Variants in DNAH9 observed in about 807,000 individuals in gnomAD.
The protein encoded by DNAH9 is dynein axonemal heavy chain 9.
DNAH9 carries 345 observed loss-of-function variants against 471.6 expected under a neutral mutation model. That is an observed-to-expected ratio of 0.73 (90% confidence interval 0.67 to 0.80). The LOEUF (loss-of-function observed/expected upper bound fraction) is 0.80, where lower values mean the gene tolerates loss of function less well. DNAH9 is among the 30% of genes least tolerant of loss of function. The pLI, the probability that DNAH9 is intolerant of heterozygous loss-of-function variation, is 0.00. For synonymous variants in DNAH9, 2,093 were observed against 2,123.6 expected (o/e 0.99, Z 0.40); for missense variants, 5,407 against 5,609.2 (o/e 0.96, Z 1.15).
intron 6 of DNAH9, among the ~76,000 whole-genome samples, chr17:11,622,968 C>CTTTTTTTTTTTT (rs10551080): frequency 9.5e-6 from 1 of 105,382 alleles, no homozygotes; most frequent in African/African-American, 3.8e-5. Flanking sequence ...TTTTCTTTTT[C>CTTTTTTTTTTTT]TTTTTTTTTT....
At chr17:11,645,691 C>G (rs1371443249) in intron 11 of DNAH9, among the ~76,000 whole-genome samples, 1 of 151,930 alleles carries the variant, frequency 6.6e-6, no homozygotes, top group Non-Finnish European at 1.5e-5. Flanking sequence ...TCACCTCTAC[C>G]CTTTGGCTAC....
intron 59 of DNAH9, among the ~76,000 whole-genome samples, chr17:11,895,734 A>C (rs370070365): frequency 5.9e-5 from 9 of 152,174 alleles, no homozygotes; most frequent in African/African-American, 2.2e-4. Flanking sequence ...TCCATTCTCC[A>C]TTTGTATAAT....
At chr17:11,918,863 G>A (rs1157761211) in intron 61 of DNAH9, among the ~76,000 whole-genome samples, 1 of 152,156 alleles carries the variant, frequency 6.6e-6, no homozygotes, top group African/African-American at 2.4e-5. Flanking sequence ...GCACGTGCCT[G>A]TAATCCCAGC....
intron 39 of DNAH9, 60 bp downstream of exon 39, chr17:11,781,234 G>T: frequency 6.5e-7 from 1 of 1,545,948 alleles, no homozygotes; most frequent in Non-Finnish European, 8.8e-7. Context: ...CAGGGCTGAA[G>T]GCCAGTCTCT....
intron 6 of DNAH9, among the ~76,000 whole-genome samples, chr17:11,624,828 T>A (rs2072941456): frequency 6.6e-6 from 1 of 152,200 alleles, no homozygotes; most frequent in Admixed American, 6.5e-5. Context: ...CACTCTGTTC[T>A]ACTTTTGTAC....
chr17:11,843,870 T>TATATATATATATATAC (rs1971119305), intron 49 of DNAH9, among the ~76,000 whole-genome samples: 2 of 120,170 alleles, frequency 1.7e-5, no homozygotes, highest in South Asian at 6.2e-4. Flanking sequence ...TGTGTATATA[T>TATATATATATATATAC]ATATATATAT....
In DNAH9 at chr17:11,724,046, T is replaced by C. The variant is rs143181835; in HGVS notation, c.5710-3772T>C. 1.1e-3 allele frequency among the ~76,000 whole-genome samples: 167 copies of C among 152,312 alleles called. 2 individuals are homozygous for C. In the East Asian group the frequency reaches 0.029, roughly 27 times the overall value. ...CTGTACATATTAATGGGGTACATGT[T>C]ATATTTTGATGCACATATTATCAAT... On this transcript the variant is annotated intron_variant, in intron 27 of 68. Coordinates refer to ENST00000262442, the MANE Select transcript of DNAH9 (RefSeq NM_001372.4).
rs147952506 is a variant in DNAH9, at chr17:11,894,441, C to T, written c.11351C>T (p.Thr3784Met). ...TTCCTGCTTCGATCTCCAGTGCAGA[C>T]GGGCACCGCCAGCCCCGTGGAGTTC... The part of the protein sequence containing the change: ...LDFLLRSPVQ[T>M]GTASPVEFLS... The change falls in exon 59 of 69, where the codon ACG becomes ATG. Residue 3784 changes from threonine to methionine, a missense_variant. By Grantham distance (81) the Thr-to-Met change is moderately conservative (BLOSUM62 -1). This residue lies in a region of DNAH9 where 4,636 missense variants were observed against 4,900.3 expected (regional missense o/e 0.95). Coordinates refer to ENST00000262442, the MANE Select transcript of DNAH9 (RefSeq NM_001372.4). The T allele has an allele frequency of 6.7e-4, 1,075 of 1,614,128 alleles. 1 individual carries two copies. Among genetic ancestry groups the T allele is most frequent in the Non-Finnish European group, 8.5e-4 (1,008 of 1,179,994 alleles).
chr17:11,822,763 A>G (rs199881015), intron 47 of DNAH9, 38 bp from the exon 48 acceptor site: 4 of 1,609,768 alleles, frequency 2.5e-6, no homozygotes, highest in Non-Finnish European at 3.4e-6. Context: ...AATCTTCAAC[A>G]CAAGATAATC....
At chr17:11,730,519 G>A (rs1597557576) in intron 28 of DNAH9, among the ~76,000 whole-genome samples, 2 of 152,132 alleles carry the variant, frequency 1.3e-5, no homozygotes, top group African/African-American at 4.8e-5. Flanking sequence ...TCACAACCTG[G>A]AATAAGGAAT....
intron 22 of DNAH9, among the ~76,000 whole-genome samples, chr17:11,695,827 C>G (rs1186888668): frequency 6.6e-6 from 1 of 152,180 alleles, no homozygotes; most frequent in Non-Finnish European, 1.5e-5. Context: ...AACTTCTGCT[C>G]TCAACATTGT....
intron 34 of DNAH9, among the ~76,000 whole-genome samples, chr17:11,756,892 C>T (rs961394169): frequency 2.6e-5 from 4 of 152,196 alleles, no homozygotes; most frequent in Non-Finnish European, 4.4e-5. Flanking sequence ...ACTTAGGCTA[C>T]TTTTAGGCCA....
chr17:11,788,919 T>C (rs1397517803), intron 41 of DNAH9, among the ~76,000 whole-genome samples: 2 of 152,114 alleles, frequency 1.3e-5, no homozygotes, highest in African/African-American at 4.8e-5. Flanking sequence ...TTTCTGTGTA[T>C]AGTTTGCTAA....
chr17:11,617,604 C>T lies in DNAH9; in HGVS notation c.1098C>T (p.Cys366=), dbSNP rs1442407710. The T allele has an allele frequency of 1.9e-6, 3 of 1,614,048 alleles. No homozygotes were observed. In the South Asian group the frequency reaches 3.3e-5, roughly 18 times the overall value. Residue 366 remains cysteine (C), a synonymous_variant, in exon 5 of 69, where the codon TGC becomes TGT. Transcript: ENST00000262442. ...TGACTGTGCTGCTCCAGGAGATTTG[C>T]AACCTTCTCATCCAGCAGGTGGGCT... The part of the protein sequence containing the change: ...GRLTVLLQEI[C]NLLIQQASNY...
intron 61 of DNAH9, among the ~76,000 whole-genome samples, chr17:11,920,035 CTTTT>C (rs1165405913): frequency 7.4e-6 from 1 of 135,942 alleles, no homozygotes; most frequent in Admixed American, 7.4e-5. Context: ...TAAGTTCTTT[CTTTT>C]TTTTTTTTTT....
chr17:11,744,718 A>G (rs968706315), intron 30 of DNAH9, 79 bp from the exon 31 acceptor site: 21 of 1,228,668 alleles, frequency 1.7e-5, no homozygotes, highest in Middle Eastern at 2.7e-4. Flanking sequence ...TGCTCATAGC[A>G]TATCTATGAT....
chr17:11,929,681 G>A lies in DNAH9; in HGVS notation c.11878-185G>A, dbSNP rs1280776131. On this transcript the variant is annotated intron_variant, in intron 62 of 68. Coordinates refer to ENST00000262442, the MANE Select transcript of DNAH9 (RefSeq NM_001372.4). Reference sequence around the variant, plus strand: ...TGCACAACATGTGAGTGCACGTAACGCCATTAACTGTCCACTTAAAAAGGG... The same window carrying A: ...TGCACAACATGTGAGTGCACGTAACACCATTAACTGTCCACTTAAAAAGGG... Among the ~76,000 whole-genome samples, 5 of 152,150 alleles carry A rather than the reference G, an allele frequency of 3.3e-5. No individual in the cohort carries two copies. In the East Asian group the frequency reaches 7.7e-4, roughly 23 times the overall value.
At chr17:11,924,010 C>T in intron 62 of DNAH9, 69 bp downstream of exon 62, 3 of 1,567,166 alleles carry the variant, frequency 1.9e-6, no homozygotes, top group Non-Finnish European at 2.6e-6. Context: ...CACTGGGCAT[C>T]TCCATCCACT....
At position 11,667,852 on chromosome 17, in the gene DNAH9, G is replaced by A. The variant is rs140636104; in HGVS notation, c.2732-1212G>A. 6.2e-3 allele frequency among the ~76,000 whole-genome samples: 951 copies of A among 152,254 alleles called. 8 individuals carry two copies. The highest frequency in any genetic ancestry group is 0.018 in the African/African-American group (749 of 41,538). ...CTACATCCACTGGTGAGGAAATTTC[G>A]TTGCCACACCTGTCTGCAAGCAAGG... On this transcript the variant is annotated intron_variant, in intron 15 of 68. Transcript: ENST00000262442.
Sources: allele counts gnomAD v4.1 joint callset (sites outside exome capture counted in the v4.1 genomes callset), GRCh38; gene constraint gnomAD v4.1.1; regional missense constraint gnomAD v4.1.1; transcripts MANE v1.5; gene names NCBI Gene and HGNC (gene_info 2026-07-23, HGNC 2026-07-21).